Variants in SOCS7 observed in about 807,000 individuals in gnomAD.
The protein encoded by SOCS7 is suppressor of cytokine signaling 7, also known as NAP-4.
A neutral mutation model predicts 58.9 loss-of-function variants in SOCS7; 18 were observed. The observed-to-expected ratio is 0.31, with a 90% CI of 0.21 to 0.45. The LOEUF is 0.45. Ranked by LOEUF, SOCS7 falls within the 20% of genes least tolerant of loss-of-function variation. The pLI is 1.00. For synonymous variants in SOCS7, 388 were observed against 364.3 expected, an observed-to-expected ratio of 1.06 and a Z score of -0.74; for missense variants, 667 against 837.3, an observed-to-expected ratio of 0.80 and a Z score of 2.51.
At chr17:38,383,136 C>T (rs2038024494) in intron 7 of SOCS7, among the ~76,000 whole-genome samples, 1 of 152,158 alleles carries the variant, frequency 6.6e-6, no homozygotes, top group South Asian at 2.1e-4. Context: ...GCACCGAGTG[C>T]TACCCCAGGT....
intron 7 of SOCS7, among the ~76,000 whole-genome samples, chr17:38,385,392 T>C (rs1299990781): frequency 2.0e-5 from 3 of 151,956 alleles, no homozygotes; most frequent in African/African-American, 4.8e-5. Flanking sequence ...TTTGGATTCG[T>C]TGGGGAGGGG....
chr17:38,360,740 C>T (rs1444775227), intron 1 of SOCS7, among the ~76,000 whole-genome samples: 3 of 151,976 alleles, frequency 2.0e-5, no homozygotes, highest in Admixed American at 1.3e-4. Context: ...AGGGTTTCAC[C>T]GTGTTAGCCA....
At chr17:38,353,557 C>T (rs2037591442) in intron 1 of SOCS7, among the ~76,000 whole-genome samples, 1 of 152,108 alleles carries the variant, frequency 6.6e-6, no homozygotes, top group African/African-American at 2.4e-5. Flanking sequence ...CTGGTTGTTC[C>T]CTTAGATGAA....
chr17:38,386,184 C>T (rs1332344086), intron 7 of SOCS7, among the ~76,000 whole-genome samples: 5 of 151,750 alleles, frequency 3.3e-5, no homozygotes, highest in African/African-American at 1.2e-4. Context: ...ATTAGCCAGG[C>T]ATGGTGGCCC....
At chr17:38,367,820 C>T in intron 5 of SOCS7, 62 bp from the exon 6 acceptor site, 6 of 1,457,250 alleles carry the variant, frequency 4.1e-6, no homozygotes, top group Non-Finnish European at 5.7e-6. Flanking sequence ...AGATAGATTG[C>T]ACTGAAAACT....
intron 7 of SOCS7, among the ~76,000 whole-genome samples, chr17:38,391,242 G>T (rs917360297): frequency 6.6e-6 from 1 of 152,030 alleles, no homozygotes; most frequent in Non-Finnish European, 1.5e-5. Flanking sequence ...TGGTAAAAAG[G>T]TCAAATAGTG....
At chr17:38,353,131 T>C in intron 1 of SOCS7, 99 bp downstream of exon 1, 1 of 1,165,746 alleles carries the variant, frequency 8.6e-7, no homozygotes, top group Non-Finnish European at 1.2e-6. Context: ...TAAGATAGGG[T>C]CTTCAGGAGG....
chr17:38,396,977 G>A (rs1010610299), intron 9 of SOCS7, among the ~76,000 whole-genome samples: 3 of 152,190 alleles, frequency 2.0e-5, no homozygotes, highest in Non-Finnish European at 4.4e-5. Flanking sequence ...GAGAGGTAGA[G>A]CACTAGGGAG....
chr17:38,365,460 T>TC, intron 4 of SOCS7, 51 bp downstream of exon 4: 1 of 1,196,834 alleles, frequency 8.4e-7, no homozygotes, highest in Non-Finnish European at 1.2e-6. Context: ...TACAAAGTGA[T>TC]ACTTTCTACC....
At chr17:38,372,529 T>C (rs1293025628) in intron 6 of SOCS7, among the ~76,000 whole-genome samples, 3 of 152,234 alleles carry the variant, frequency 2.0e-5, no homozygotes, top group Non-Finnish European at 2.9e-5. Flanking sequence ...ACGCTAGTCA[T>C]CACCATGTGA....
chr17:38,353,203 A>G (rs564702232), intron 1 of SOCS7, among the ~76,000 whole-genome samples, 171 bp downstream of exon 1: 1 of 152,292 alleles, frequency 6.6e-6, no homozygotes, highest in Non-Finnish European at 1.5e-5. Flanking sequence ...AATTGTGGAA[A>G]CAGCTTTCAC....
chr17:38,359,819 C>G (rs1202602151), intron 1 of SOCS7, among the ~76,000 whole-genome samples: 1 of 151,778 alleles, frequency 6.6e-6, no homozygotes, highest in Admixed American at 6.6e-5. Context: ...CTCTGTCACC[C>G]AGGCTGGAAT....
chr17:38,357,117 T>C (rs932607069), intron 1 of SOCS7, among the ~76,000 whole-genome samples: 1 of 152,172 alleles, frequency 6.6e-6, no homozygotes, highest in African/African-American at 2.4e-5. Flanking sequence ...AAACAAAATA[T>C]AGAATTCTGG....
intron 7 of SOCS7, among the ~76,000 whole-genome samples, chr17:38,381,051 T>C (rs186358774): frequency 7.9e-5 from 12 of 152,212 alleles, no homozygotes; most frequent in African/African-American, 2.9e-4. Flanking sequence ...ACCGGTCTGT[T>C]ATTGGAAGAG....
intron 6 of SOCS7, among the ~76,000 whole-genome samples, chr17:38,377,341 A>C (rs1018369150): frequency 2.0e-5 from 3 of 152,232 alleles, no homozygotes; most frequent in Non-Finnish European, 4.4e-5. Flanking sequence ...GGAAATGCTC[A>C]TTGGAGCACT....
chr17:38,355,805 T>C (rs940535502), intron 1 of SOCS7, among the ~76,000 whole-genome samples: 1 of 152,218 alleles, frequency 6.6e-6, no homozygotes, highest in Admixed American at 6.5e-5. Context: ...TTCCTTTTAG[T>C]TGCTTTTGAG....
At chr17:38,381,946 CAAA>C (rs55949628) in intron 7 of SOCS7, among the ~76,000 whole-genome samples, 77 of 17,656 alleles carry the variant, frequency 4.4e-3, no homozygotes, top group African/African-American at 0.012. Context: ...GACTCTGTCT[CAAA>C]AAAAAAAAAA....
chr17:38,388,539 T>C (rs2038110653), intron 7 of SOCS7, among the ~76,000 whole-genome samples: 1 of 152,004 alleles, frequency 6.6e-6, no homozygotes, highest in Non-Finnish European at 1.5e-5. Flanking sequence ...AAAAATACTG[T>C]GCAATTCAGT....
chr17:38,379,967 A>C (rs752402199), intron 7 of SOCS7, among the ~76,000 whole-genome samples: 6 of 152,236 alleles, frequency 3.9e-5, no homozygotes, highest in Non-Finnish European at 8.8e-5. Flanking sequence ...GTCAGAGCAC[A>C]TGTTCAAGTC....
Sources: gnomAD v4.1 joint callset for allele counts (sites outside exome capture counted in the v4.1 genomes callset) on GRCh38, gnomAD v4.1.1 for gene constraint, MANE v1.5 for transcripts, NCBI Gene and HGNC (gene_info 2026-07-23, HGNC 2026-07-21) for gene names.